Variants in KMO observed in about 807,000 individuals in gnomAD.
KMO encodes the protein kynurenine 3-monooxygenase.
A neutral mutation model predicts 57.8 loss-of-function variants in KMO; 24 were observed. The ratio of observed to expected loss-of-function variants is 0.42; its 90% CI spans 0.30 to 0.58. KMO has a LOEUF of 0.58. Ranked by LOEUF, KMO falls within the 20% of genes least tolerant of loss-of-function variation. KMO has a pLI of 0.22. For missense variants in KMO, 483 were observed against 588.2 expected (o/e 0.82, Z 1.85); for synonymous variants, 210 against 193.6 (o/e 1.08, Z -0.70).
At chr1:241,549,290 G>GAAGGAAGGAAGAAAA (rs1558415071) in intron 2 of KMO, among the ~76,000 whole-genome samples, 1 of 139,000 alleles carries the variant, frequency 7.2e-6, no homozygotes, top group African/African-American at 2.7e-5. Context: ...AGAAAGAAAG[G>GAAGGAAGGAAGAAAA]AGAAAGAGCA....
intron 1 of KMO, among the ~76,000 whole-genome samples, chr1:241,539,464 G>A (rs1032774975): frequency 2.0e-5 from 3 of 152,018 alleles, no homozygotes; most frequent in African/African-American, 7.3e-5. Context: ...AGTAACAACT[G>A]TCCTTCAGCC....
chr1:241,578,980 G>A (rs1281969830), intron 10 of KMO, among the ~76,000 whole-genome samples: 1 of 152,082 alleles, frequency 6.6e-6, no homozygotes, highest in Non-Finnish European at 1.5e-5. Context: ...ACTACCACGA[G>A]AATTGTATGA....
Position 241,595,514 on chromosome 1 carries a change from A to G in KMO, c.*3361A>G, listed in dbSNP as rs2147993653. 1 of 152,376 alleles carries G rather than the reference A, an allele frequency of 6.6e-6. No homozygotes were observed. Among genetic ancestry groups the G allele is most frequent in the South Asian group, 2.1e-4 (1 of 4,834 alleles). 9.4% of individuals were successfully genotyped at this position (152,376 alleles called of 1,614,324 possible). A position where few individuals can be genotyped will look rare whatever the true frequency, so the allele number is the denominator to read the frequency against. ...GGTTGCTTGTTATAGTAGTCGGTCC[A>G]TCATGACCAGTAAAACATAAATCAA... On this transcript the variant is annotated 3_prime_UTR_variant, in exon 15 of 15. Coordinates refer to ENST00000366559, the MANE Select transcript of KMO (RefSeq NM_003679.5).
Position 241,592,138 on chromosome 1 carries a change from T to C in KMO, c.1446T>C (p.Asn482=), listed in dbSNP as rs778621987. The change falls in exon 15 of 15, where the codon AAT becomes AAC. Residue 482 remains asparagine (N), a synonymous_variant. Transcript: ENST00000366559. Reference sequence around the variant, plus strand: ...TGGACTCCCTAGAACAAATTTCCAATCTCATTAGCAGGTGATAGAAAGGTT... The same window carrying C: ...TGGACTCCCTAGAACAAATTTCCAACCTCATTAGCAGGTGATAGAAAGGTT... The part of the protein sequence containing the change: ...KAVDSLEQIS[N]LISR 6.2e-7 allele frequency: 1 copy of C among 1,613,634 alleles called. No individual in the cohort carries two copies. The highest frequency in any genetic ancestry group is 1.7e-5 in the Admixed American group (1 of 59,982).
intron 1 of KMO, among the ~76,000 whole-genome samples, chr1:241,536,867 G>A (rs1484166489): frequency 6.6e-6 from 1 of 152,120 alleles, no homozygotes; most frequent in African/African-American, 2.4e-5. Flanking sequence ...GGCCTCTGCT[G>A]ATGAAATTGC....
chr1:241,556,381 C>T (rs1661624943), intron 5 of KMO, among the ~76,000 whole-genome samples: 1 of 152,148 alleles, frequency 6.6e-6, no homozygotes, highest in African/African-American at 2.4e-5. Flanking sequence ...GTGATTCTCC[C>T]ACCTCAGACT....
At chr1:241,572,357 T>A (rs186285699) in intron 10 of KMO, among the ~76,000 whole-genome samples, 1 of 152,232 alleles carries the variant, frequency 6.6e-6, no homozygotes, top group Admixed American at 6.5e-5. Flanking sequence ...GATTTTCAAA[T>A]GTATTAGCAT....
chr1:241,548,798 G>A lies in KMO; in HGVS notation c.55-31G>A, dbSNP rs181875734. The A allele has an allele frequency of 3.4e-4, 467 of 1,381,508 alleles. No homozygotes were observed. The African/African-American group carries it at 6.1e-3, about 18-fold the overall frequency. The allele number at this position is 1,381,508 out of a possible 1,614,324, so 85.6% of individuals were successfully genotyped here. On this transcript the variant is annotated intron_variant, in intron 1 of 14. Coordinates refer to ENST00000366559, the MANE Select transcript of KMO (RefSeq NM_003679.5). ...AAAATTCCCTATATTTGTGGAATCA[G>A]ATAAATATTTAATTTTTTTTTAATT...
intron 2 of KMO, among the ~76,000 whole-genome samples, chr1:241,549,289 G>GGAGAAAGAGCAAGAAAGAAAGA (rs1481526827): frequency 1.4e-5 from 2 of 146,900 alleles, no homozygotes; most frequent in African/African-American, 5.1e-5. Context: ...AAGAAAGAAA[G>GGAGAAAGAGCAAGAAAGAAAGA]GAGAAAGAGC....
At chr1:241,585,204 G>C (rs1662922346) in intron 10 of KMO, among the ~76,000 whole-genome samples, 1 of 150,022 alleles carries the variant, frequency 6.7e-6, no homozygotes. Flanking sequence ...ACTCCTGCCT[G>C]GGTGACAGAC....
In KMO at chr1:241,593,938, G is replaced by C. The variant is rs1379820123; in HGVS notation, c.*1785G>C. 1 of 154,478 alleles carries C rather than the reference G, an allele frequency of 6.5e-6. No individual in the cohort carries two copies. Among genetic ancestry groups the C allele is most frequent in the Admixed American group, 6.3e-5 (1 of 15,750 alleles). 9.6% of individuals were successfully genotyped at this position (154,478 alleles called of 1,614,324 possible). ...AAAACGTCTTTTGTTTCCAACAAGA[G>C]GATTTTCTTTTTCATTCTAGAATTA... On this transcript the variant is annotated 3_prime_UTR_variant, in exon 15 of 15. Transcript: ENST00000366559.
intron 14 of KMO, among the ~76,000 whole-genome samples, chr1:241,591,127 A>T (rs1385514680): frequency 6.6e-6 from 1 of 152,194 alleles, no homozygotes; most frequent in Non-Finnish European, 1.5e-5. Flanking sequence ...AAGATGAATA[A>T]AACAGGGCCC....
chr1:241,558,228 C>T (rs1232091593), intron 5 of KMO, among the ~76,000 whole-genome samples: 2 of 152,212 alleles, frequency 1.3e-5, no homozygotes, highest in African/African-American at 4.8e-5. Context: ...AAGGTACAAT[C>T]TTGGTGTACA....
chr1:241,554,384 A>G (rs1303003883), intron 4 of KMO, among the ~76,000 whole-genome samples: 3 of 151,740 alleles, frequency 2.0e-5, no homozygotes, highest in African/African-American at 2.4e-5. Flanking sequence ...TCTCGGGTTC[A>G]AGCAGTCCTG....
chr1:241,564,649 G>T (rs142932522), intron 7 of KMO, among the ~76,000 whole-genome samples: 1 of 151,970 alleles, frequency 6.6e-6, no homozygotes, highest in African/African-American at 2.4e-5. Flanking sequence ...GTGCATGTGT[G>T]TGTACATATA....
At chr1:241,569,733 A>G (rs1262869986) in intron 10 of KMO, among the ~76,000 whole-genome samples, 1 of 152,098 alleles carries the variant, frequency 6.6e-6, no homozygotes, top group Non-Finnish European at 1.5e-5. Context: ...AGGAACCTCC[A>G]TGCTGTTTTC....
rs1553346344 is a variant in KMO, at chr1:241,549,256, A to AGAAG, written c.124+361_124+362insGGAA. Reference sequence around the variant, plus strand: ...AAGAAAGAAAGAAAGAAAGAAAGAAAGAAAGAAAGAAAGGAAGGAAGAAAG... The same window carrying AGAAG: ...AAGAAAGAAAGAAAGAAAGAAAGAAAGAAGGAAAGAAAGAAAGGAAGGAAGAAAG... On this transcript the variant is annotated intron_variant, in intron 2 of 14. Coordinates refer to ENST00000366559, the MANE Select transcript of KMO (RefSeq NM_003679.5). 1.4e-4 allele frequency among the ~76,000 whole-genome samples: 16 copies of AGAAG among 114,808 alleles called. 1 individual carries two copies. Among genetic ancestry groups the AGAAG allele is most frequent in the African/African-American group, 5.1e-4 (16 of 31,168 alleles). The allele number at this position is 114,808 out of a possible 152,430, so 75.3% of individuals were successfully genotyped here.
rs1188262028 is a variant in KMO, at chr1:241,532,402, A to G, written c.-43A>G. ...GGAGACACAGAAATCAGTGTCACTC[A>G]GTGACAGAAGCAACAATAATTGTGA... On this transcript the variant is annotated 5_prime_UTR_variant, in exon 1 of 15. Transcript: ENST00000366559. 2 of 1,612,200 alleles carry G rather than the reference A, an allele frequency of 1.2e-6. No individual in the cohort carries two copies.
intron 10 of KMO, among the ~76,000 whole-genome samples, chr1:241,578,889 A>C (rs1467891969): frequency 2.0e-5 from 3 of 152,100 alleles, no homozygotes; most frequent in East Asian, 1.9e-4. Context: ...CCCTTCTCAC[A>C]TGGTAGCAGA....
Sources: allele counts gnomAD v4.1 joint callset (sites outside exome capture counted in the v4.1 genomes callset), GRCh38; gene constraint gnomAD v4.1.1; transcripts MANE v1.5; gene names NCBI Gene and HGNC (gene_info 2026-07-23, HGNC 2026-07-21).